Variants in ALK observed in about 807,000 individuals in gnomAD.
ALK encodes the protein ALK receptor tyrosine kinase.
Under a neutral mutation model 163.1 loss-of-function variants are expected in ALK, and 74 were observed. The ratio of observed to expected loss-of-function variants is 0.45; its 90% CI spans 0.38 to 0.55. The LOEUF is 0.55. ALK is among the 20% of genes least tolerant of loss of function. The probability of loss-of-function intolerance (pLI) is 0.00; values close to 1 mark genes in which losing one functional copy is unlikely to be tolerated. For missense variants in ALK, 2,063 were observed against 2,105.3 expected (o/e 0.98, Z 0.39); for synonymous variants, 960 against 843.2 (o/e 1.14, Z -2.40).
intron 1 of ALK, among the ~76,000 whole-genome samples, chr2:29,774,945 T>C (rs978865896): frequency 2.0e-5 from 3 of 152,226 alleles, no homozygotes; most frequent in Admixed American, 6.5e-5. Context: ...TAAATTTATA[T>C]AGTTGTTCAT....
At chr2:29,426,000 G>A (rs2148070636) in intron 4 of ALK, among the ~76,000 whole-genome samples, 1 of 152,162 alleles carries the variant, frequency 6.6e-6, no homozygotes, top group East Asian at 1.9e-4. Flanking sequence ...GTCTGTAAAG[G>A]GACTCACATT....
intron 1 of ALK, among the ~76,000 whole-genome samples, chr2:29,863,299 C>T (rs1260940340): frequency 6.6e-6 from 1 of 152,144 alleles, no homozygotes; most frequent in Non-Finnish European, 1.5e-5. Context: ...GCTGCTTCTA[C>T]ACAGTGAAAG....
intron 4 of ALK, among the ~76,000 whole-genome samples, chr2:29,462,756 A>G (rs1671117181): frequency 6.6e-6 from 1 of 152,200 alleles, no homozygotes; most frequent in South Asian, 2.1e-4. Context: ...GAGTTAAACT[A>G]GAGTCCTTTT....
intron 4 of ALK, among the ~76,000 whole-genome samples, chr2:29,520,132 C>T (rs1208772129): frequency 6.6e-6 from 1 of 152,162 alleles, no homozygotes; most frequent in Non-Finnish European, 1.5e-5. Context: ...AATCACCAAG[C>T]ATGGGAACCA....
At chr2:29,796,368 T>G (rs1201219203) in intron 1 of ALK, among the ~76,000 whole-genome samples, 3 of 152,144 alleles carry the variant, frequency 2.0e-5, no homozygotes, top group Non-Finnish European at 2.9e-5. Context: ...TTACTGGAAC[T>G]GATAAGCCAA....
chr2:29,620,319 C>A (rs551055616), intron 3 of ALK, among the ~76,000 whole-genome samples: 1 of 152,208 alleles, frequency 6.6e-6, no homozygotes, highest in East Asian at 1.9e-4. Flanking sequence ...CACGTTCACA[C>A]GGTGTTCTTT....
chr2:29,240,722 G>A (rs1377887996), intron 12 of ALK, among the ~76,000 whole-genome samples: 1 of 152,142 alleles, frequency 6.6e-6, no homozygotes, highest in African/African-American at 2.4e-5. Context: ...AGCAAGGATG[G>A]GGAGAAAAGA....
chr2:29,318,275 T>G, intron 8 of ALK, 29 bp downstream of exon 8: 1 of 1,560,060 alleles, frequency 6.4e-7, no homozygotes, highest in Non-Finnish European at 8.8e-7. Flanking sequence ...GAGGAGAAAT[T>G]AGAGAACTAG....
At chr2:29,628,259 C>T (rs139028592) in intron 3 of ALK, among the ~76,000 whole-genome samples, 2 of 152,314 alleles carry the variant, frequency 1.3e-5, no homozygotes, top group African/African-American at 4.8e-5. Context: ...TGTCAACATG[C>T]AATCTATGAG....
In ALK at chr2:29,448,546, C is replaced by G. The variant is rs139563204; in HGVS notation, c.1155-64687G>C. Among the ~76,000 whole-genome samples the G allele has an allele frequency of 9.2e-3, 1,396 of 152,282 alleles. 31 individuals carry two copies. The highest frequency in any genetic ancestry group is 0.032 in the African/African-American group (1,314 of 41,532). On this transcript the variant is annotated intron_variant, in intron 4 of 28. Coordinates refer to ENST00000389048, the MANE Select transcript of ALK (RefSeq NM_004304.5). ...GGGAAATAACAGTGTCATCCTGGAA[C>G]AGCAGACACTGATATATGTGTTTGG...
At chr2:29,598,811 T>C (rs1014053142) in intron 3 of ALK, among the ~76,000 whole-genome samples, 1 of 152,194 alleles carries the variant, frequency 6.6e-6, no homozygotes, top group Admixed American at 6.5e-5. Context: ...TTGATGAATA[T>C]TCTATAATGG....
intron 3 of ALK, among the ~76,000 whole-genome samples, chr2:29,549,927 T>G (rs1021331822): frequency 1.3e-5 from 2 of 152,190 alleles, no homozygotes; most frequent in Non-Finnish European, 2.9e-5. Flanking sequence ...ATATTGTATT[T>G]CTATTAGCAC....
At chr2:29,860,902 C>G (rs1402134726) in intron 1 of ALK, among the ~76,000 whole-genome samples, 1 of 152,084 alleles carries the variant, frequency 6.6e-6, no homozygotes, top group Non-Finnish European at 1.5e-5. Flanking sequence ...CAATACATAT[C>G]TACATTAAAA....
chr2:29,582,462 G>A (rs1183848681), intron 3 of ALK, among the ~76,000 whole-genome samples: 1 of 152,166 alleles, frequency 6.6e-6, no homozygotes, highest in African/African-American at 2.4e-5. Context: ...TCTCGGGATT[G>A]GGTGAGTGCC....
At chr2:29,624,486 G>T (rs1676135406) in intron 3 of ALK, among the ~76,000 whole-genome samples, 1 of 152,132 alleles carries the variant, frequency 6.6e-6, no homozygotes, top group Non-Finnish European at 1.5e-5. Flanking sequence ...CAGAGGAGCG[G>T]GTGGAGCTTG....
chr2:29,410,973 AT>A (rs1449089796), intron 4 of ALK, among the ~76,000 whole-genome samples: 2 of 152,216 alleles, frequency 1.3e-5, no homozygotes, highest in African/African-American at 4.8e-5. Context: ...TGACTTTTTG[AT>A]TCTTGTAGTA....
At chr2:29,613,822 G>A (rs977609152) in intron 3 of ALK, among the ~76,000 whole-genome samples, 1 of 152,166 alleles carries the variant, frequency 6.6e-6, no homozygotes, top group Admixed American at 6.5e-5. Flanking sequence ...CTGCCCTGTG[G>A]TAACCAGGTT....
chr2:29,569,569 C>G (rs73921105), intron 3 of ALK, among the ~76,000 whole-genome samples: 1,717 of 80,462 alleles, frequency 0.021, 20 homozygotes, highest in African/African-American at 0.06. Flanking sequence ...TTCTTCCCCC[C>G]CCCTAGTGAG....
At chr2:29,280,444 C>A (rs918149641) in intron 9 of ALK, among the ~76,000 whole-genome samples, 3 of 151,522 alleles carry the variant, frequency 2.0e-5, no homozygotes, top group Non-Finnish European at 4.4e-5. Context: ...ACCCGGTGGA[C>A]CACTCTGGGA....
Sources: allele counts gnomAD v4.1 joint callset (sites outside exome capture counted in the v4.1 genomes callset), GRCh38; gene constraint gnomAD v4.1.1; transcripts MANE v1.5; gene names NCBI Gene and HGNC (gene_info 2026-07-23, HGNC 2026-07-21).